TENM4: variants seen among roughly 807,000 people sequenced by gnomAD.
TENM4 encodes teneurin-4.
Under a neutral mutation model 243.3 loss-of-function variants are expected in TENM4, and 82 were observed. That is an observed-to-expected ratio of 0.34 (90% CI 0.28 to 0.40). The LOEUF (loss-of-function observed/expected upper bound fraction) is 0.40. Ranked by LOEUF, TENM4 falls within the 10% of genes least tolerant of loss-of-function variation. The pLI is 1.00. For synonymous variants in TENM4, 1,412 were observed against 1,456.3 expected (o/e 0.97, Z 0.69); for missense variants, 3,138 against 3,673.3 (o/e 0.85, Z 3.77).
intron 2 of TENM4, among the ~76,000 whole-genome samples, chr11:79,225,838 A>G (rs1056439350): frequency 1.3e-5 from 2 of 152,180 alleles, no homozygotes; most frequent in African/African-American, 2.4e-5. Flanking sequence ...ACTTCAAGCC[A>G]AGAATCCTAA....
intron 6 of TENM4, among the ~76,000 whole-genome samples, chr11:78,905,003 T>C (rs1856031992): frequency 6.6e-6 from 1 of 152,208 alleles, no homozygotes; most frequent in Non-Finnish European, 1.5e-5. Flanking sequence ...ATTAACCACA[T>C]GGGCATGGAC....
intron 2 of TENM4, among the ~76,000 whole-genome samples, chr11:79,257,726 C>T (rs1205848476): frequency 6.6e-6 from 1 of 152,178 alleles, no homozygotes; most frequent in Non-Finnish European, 1.5e-5. Context: ...CAGAGCAGGT[C>T]ACACAGAATC....
chr11:79,115,807 CT>C (rs961831990), intron 4 of TENM4, among the ~76,000 whole-genome samples: 3 of 152,214 alleles, frequency 2.0e-5, no homozygotes, highest in Non-Finnish European at 4.4e-5. Flanking sequence ...AAATTCTGCT[CT>C]TCCTATCATA....
rs544346129 is a variant in TENM4, at chr11:78,654,559, C to T, written c.*3499G>A. The T allele has an allele frequency of 2.0e-5, 3 of 152,350 alleles. No homozygotes were observed. Among genetic ancestry groups the T allele is most frequent in the Admixed American group, 1.3e-4 (2 of 15,302 alleles). The allele number at this position is 152,350 out of a possible 1,614,324, so 9.4% of individuals were successfully genotyped here. A position where few individuals can be genotyped will look rare whatever the true frequency, so the allele number is the denominator to read the frequency against. ...AACACTGCCCAGTCTGCCTTGCCAT[C>T]ATCTTCTGTGCCCCCTCCTGGTTAT... On this transcript the variant is annotated 3_prime_UTR_variant, in exon 34 of 34. Coordinates refer to ENST00000278550, the MANE Select transcript of TENM4 (RefSeq NM_001098816.3).
At chr11:78,740,114 G>T (rs560665384) in intron 19 of TENM4, among the ~76,000 whole-genome samples, 1 of 152,216 alleles carries the variant, frequency 6.6e-6, no homozygotes, top group Non-Finnish European at 1.5e-5. Flanking sequence ...AGGTGAGAAG[G>T]CTTTTTCTTC....
At chr11:78,928,059 G>A (rs763238476) in intron 6 of TENM4, among the ~76,000 whole-genome samples, 1 of 152,122 alleles carries the variant, frequency 6.6e-6, no homozygotes, top group East Asian at 1.9e-4. Context: ...TAAAGACATA[G>A]TCCTGTGGTA....
chr11:79,050,781 A>G (rs1859771784), intron 6 of TENM4, among the ~76,000 whole-genome samples: 2 of 152,224 alleles, frequency 1.3e-5, no homozygotes, highest in Non-Finnish European at 2.9e-5. Context: ...GTTTGGGACC[A>G]AAAGGATTTG....
At chr11:79,185,240 G>A (rs929989689) in intron 3 of TENM4, among the ~76,000 whole-genome samples, 2 of 152,144 alleles carry the variant, frequency 1.3e-5, no homozygotes, top group Non-Finnish European at 2.9e-5. Flanking sequence ...TGAGGCTGCA[G>A]TGAGCTGAGA....
At position 79,251,442 on chromosome 11, in the gene TENM4, T is replaced by C. The variant is rs532883050; in HGVS notation, c.-264-35533A>G. Among the ~76,000 whole-genome samples the C allele has an allele frequency of 2.2e-4, 34 of 152,320 alleles. No individual in the cohort carries two copies. In the South Asian group the frequency reaches 6.6e-3, roughly 30 times the overall value. ...CTAAAATCCTAAACCAAGAAATTAA[T>C]GTAAAAACTGTCCTAGGACAAGTAG... On this transcript the variant is annotated intron_variant, in intron 2 of 33. Coordinates refer to ENST00000278550, the MANE Select transcript of TENM4 (RefSeq NM_001098816.3).
chr11:79,238,115 C>T (rs933540939), intron 2 of TENM4, among the ~76,000 whole-genome samples: 6 of 152,096 alleles, frequency 3.9e-5, no homozygotes, highest in Admixed American at 2.0e-4. Flanking sequence ...TATTTGTCCC[C>T]GCAGATTAAT....
intron 6 of TENM4, among the ~76,000 whole-genome samples, chr11:78,948,236 C>T (rs938856545): frequency 4.6e-5 from 7 of 152,172 alleles, no homozygotes; most frequent in African/African-American, 1.2e-4. Flanking sequence ...GACTTCAGTA[C>T]ACTTTATATC....
chr11:79,042,048 C>T (rs1859547219), intron 6 of TENM4, among the ~76,000 whole-genome samples: 3 of 152,106 alleles, frequency 2.0e-5, no homozygotes, highest in Non-Finnish European at 2.9e-5. Context: ...CACAATAGAC[C>T]TGGTACCAAT....
chr11:78,848,705 A>C (rs955343963), intron 12 of TENM4, among the ~76,000 whole-genome samples: 2 of 152,100 alleles, frequency 1.3e-5, no homozygotes, highest in Non-Finnish European at 2.9e-5. Context: ...TTACCGTATA[A>C]ATCTTTCATC....
rs143788300 is a variant in TENM4 at position 78,910,569 on chromosome 11, G to A, written c.494-7046C>T. The stretch of plus-strand genomic sequence containing the variant: ...CCTCCTTCAAGCTGTAGAATCTCAA[G>A]CACTTTATTTAACCTGAGTTTCAGT... On this transcript the variant is annotated intron_variant, in intron 6 of 33. Transcript: ENST00000278550. Among the ~76,000 whole-genome samples, 4 of 152,320 alleles carry A rather than the reference G, an allele frequency of 2.6e-5. No individual in the cohort carries two copies. The East Asian group carries it at 7.7e-4, about 29-fold the overall frequency.
At chr11:79,014,167 T>C (rs1041572941) in intron 6 of TENM4, among the ~76,000 whole-genome samples, 2 of 152,210 alleles carry the variant, frequency 1.3e-5, no homozygotes, top group Non-Finnish European at 2.9e-5. Context: ...CTGGGACTCA[T>C]GTCCTGTGCC....
At chr11:78,915,853 T>G (rs908921548) in intron 6 of TENM4, among the ~76,000 whole-genome samples, 1 of 152,216 alleles carries the variant, frequency 6.6e-6, no homozygotes, top group Non-Finnish European at 1.5e-5. Flanking sequence ...CTCCACTTTG[T>G]AGCCATCAGT....
intron 9 of TENM4, among the ~76,000 whole-genome samples, chr11:78,872,021 T>C (rs745796925): frequency 3.9e-5 from 6 of 152,230 alleles, no homozygotes; most frequent in Non-Finnish European, 8.8e-5. Flanking sequence ...CTCCATTTTA[T>C]AGATTAGGTG....
intron 1 of TENM4, among the ~76,000 whole-genome samples, chr11:79,400,284 C>A (rs1242635470): frequency 6.6e-6 from 1 of 151,940 alleles, no homozygotes; most frequent in African/African-American, 2.4e-5. Flanking sequence ...CTGCAACTTT[C>A]TGCTCCATGG....
At chr11:78,995,956 AT>A (rs142887521) in intron 6 of TENM4, among the ~76,000 whole-genome samples, 1,775 of 152,286 alleles carry the variant, frequency 0.012, 30 homozygotes, top group African/African-American at 0.041. Flanking sequence ...AGTGGTTCCC[AT>A]TGAGCCTAAA....
Sources: allele counts gnomAD v4.1 joint callset (sites outside exome capture counted in the v4.1 genomes callset), GRCh38; gene constraint gnomAD v4.1.1; transcripts MANE v1.5; gene names NCBI Gene and HGNC (gene_info 2026-07-23, HGNC 2026-07-21).